Variants in PAK5 observed in about 807,000 individuals in gnomAD.
PAK5 encodes the protein p21 (RAC1) activated kinase 5.
In PAK5, 16 loss-of-function variants were observed where a neutral mutation model predicts 65.9. The observed-to-expected ratio is 0.24, with a 90% CI of 0.16 to 0.37. PAK5 has a LOEUF of 0.37. Ranked by LOEUF, PAK5 falls within the 10% of genes least tolerant of loss-of-function variation. The pLI, the probability that PAK5 is intolerant of heterozygous loss-of-function variation, is 1.00. For missense variants in PAK5, 785 were observed against 903.9 expected, an observed-to-expected ratio of 0.87 and a Z score of 1.69; for synonymous variants, 371 against 354.9, an observed-to-expected ratio of 1.05 and a Z score of -0.51.
chr20:9,698,733 C>T (rs377259772), intron 2 of PAK5, among the ~76,000 whole-genome samples: 2 of 152,160 alleles, frequency 1.3e-5, no homozygotes, highest in African/African-American at 4.8e-5. Flanking sequence ...GACTGCACTG[C>T]TGTCTATAAG....
At chr20:9,648,797 T>A (rs184392444) in intron 2 of PAK5, among the ~76,000 whole-genome samples, 112 of 152,324 alleles carry the variant, frequency 7.4e-4, no homozygotes, top group African/African-American at 2.6e-3. Context: ...GTATTTACCT[T>A]CTCTGCCAGT....
rs150725498 is a variant in PAK5, at chr20:9,618,915, G to GTTTTTTTTTTTTTTTTTTTTTTTTTTTTT, written c.204+25181_204+25209dup. On this transcript the variant is annotated intron_variant, in intron 3 of 9. Coordinates refer to ENST00000353224, the MANE Select transcript of PAK5 (RefSeq NM_177990.4). ...AGATTCTTTTCTCTCTCTTTCTTTCGTTTTTTTTTTTTTTTTTTTTTTTTT... is the reference window on the plus strand; with the variant it reads ...AGATTCTTTTCTCTCTCTTTCTTTCGTTTTTTTTTTTTTTTTTTTTTTTTTTTTTTTTTTTTTTTTTTTTTTTTTTTTTT... 1.6e-4 allele frequency among the ~76,000 whole-genome samples: 3 copies of GTTTTTTTTTTTTTTTTTTTTTTTTTTTTT among 18,816 alleles called. 1 individual carries two copies. The highest frequency in any genetic ancestry group is 1.9e-3 in the South Asian group (1 of 528). 12.3% of individuals were successfully genotyped at this position (18,816 alleles called of 152,430 possible). A position where few individuals can be genotyped will look rare whatever the true frequency, so the allele number is the denominator to read the frequency against.
At chr20:9,794,119 T>G (rs954500057) in intron 1 of PAK5, among the ~76,000 whole-genome samples, 1 of 150,428 alleles carries the variant, frequency 6.6e-6, no homozygotes, top group African/African-American at 2.4e-5. Context: ...TAAGTGGGAG[T>G]TGAACAATGA....
chr20:9,664,004 A>C (rs1053286140), intron 2 of PAK5, among the ~76,000 whole-genome samples: 2 of 152,216 alleles, frequency 1.3e-5, no homozygotes, highest in African/African-American at 4.8e-5. Context: ...AATGAATTCC[A>C]CAAACATAAA....
chr20:9,683,381 G>A (rs2047675814), intron 2 of PAK5, among the ~76,000 whole-genome samples: 1 of 152,222 alleles, frequency 6.6e-6, no homozygotes, highest in Non-Finnish European at 1.5e-5. Context: ...TTCAGAAAGT[G>A]ATGCTGCCTA....
intron 8 of PAK5, 83 bp downstream of exon 8, chr20:9,544,286 C>A: frequency 6.9e-7 from 1 of 1,440,260 alleles, no homozygotes; most frequent in South Asian, 1.2e-5. Flanking sequence ...CCCCCATCTC[C>A]TGTGGTCACC....
intron 7 of PAK5, among the ~76,000 whole-genome samples, chr20:9,554,661 T>C (rs1305650940): frequency 6.6e-6 from 1 of 152,044 alleles, no homozygotes; most frequent in Non-Finnish European, 1.5e-5. Context: ...AATAGACTCA[T>C]ATAATAACAC....
At chr20:9,771,545 C>G (rs1161103691) in intron 1 of PAK5, among the ~76,000 whole-genome samples, 1 of 148,706 alleles carries the variant, frequency 6.7e-6, no homozygotes, top group African/African-American at 2.5e-5. Flanking sequence ...GGAGCTGGGA[C>G]TACAGGTGTG....
intron 1 of PAK5, among the ~76,000 whole-genome samples, chr20:9,830,603 T>C (rs779402973): frequency 1.3e-5 from 2 of 152,184 alleles, no homozygotes; most frequent in Admixed American, 1.3e-4. Context: ...ATTGTTTCTT[T>C]CAGATTATAC....
chr20:9,642,000 T>TG (rs1176472034), intron 3 of PAK5, among the ~76,000 whole-genome samples: 1 of 151,782 alleles, frequency 6.6e-6, no homozygotes, highest in Non-Finnish European at 1.5e-5. Context: ...GCTGAGGGAG[T>TG]GGGCTCCAGC....
At chr20:9,819,280 C>T (rs1435955362) in intron 1 of PAK5, among the ~76,000 whole-genome samples, 2 of 152,170 alleles carry the variant, frequency 1.3e-5, no homozygotes, top group Non-Finnish European at 2.9e-5. Flanking sequence ...AAATCTATTT[C>T]TTACCAAGGT....
chr20:9,733,387 CTCTTTCTTTCTT>C (rs138872634), intron 1 of PAK5, among the ~76,000 whole-genome samples: 151 of 150,668 alleles, frequency 1.0e-3, no homozygotes, highest in African/African-American at 2.8e-3. Flanking sequence ...TTACCAATCT[CTCTTTCTTTCTT>C]TCTTTCTTTC....
chr20:9,596,243 T>C (rs145082763), intron 3 of PAK5, among the ~76,000 whole-genome samples: 1 of 152,278 alleles, frequency 6.6e-6, no homozygotes, highest in African/African-American at 2.4e-5. Flanking sequence ...GTCAATCAAC[T>C]AGGGTCTTCT....
At chr20:9,718,943 TTAATA>T (rs980554238) in intron 1 of PAK5, among the ~76,000 whole-genome samples, 14 of 152,126 alleles carry the variant, frequency 9.2e-5, no homozygotes, top group African/African-American at 3.1e-4. Flanking sequence ...CAGAGACAGT[TTAATA>T]TAAACCTCCT....
chr20:9,557,645 A>G lies in PAK5; in HGVS notation c.1706T>C (p.Ile569Thr). Residue 569 changes from isoleucine to threonine, a missense_variant, in exon 7 of 10, where the codon ATA (isoleucine) becomes ACA (threonine). Physicochemically the swap from Ile to Thr is moderately conservative, Grantham distance 89 (BLOSUM62 -1). Coordinates refer to ENST00000353224, the MANE Select transcript of PAK5 (RefSeq NM_177990.4). The part of the protein sequence containing the change: ...LHNQGVIHRD[I>T]KSDSILLTSD... Reference sequence around the variant, plus strand: ...TGTCAGGAGGATGGAGTCACTTTTTATGTCCCTGTGAATCACTCCTTGGTT... The same window carrying G: ...TGTCAGGAGGATGGAGTCACTTTTTGTGTCCCTGTGAATCACTCCTTGGTT... 6.2e-7 allele frequency: 1 copy of G among 1,612,342 alleles called. No individual in the cohort carries two copies. Among genetic ancestry groups the G allele is most frequent in the Non-Finnish European group, 8.5e-7 (1 of 1,179,018 alleles).
intron 3 of PAK5, among the ~76,000 whole-genome samples, chr20:9,643,436 A>G (rs946129752): frequency 1.3e-5 from 2 of 152,180 alleles, no homozygotes; most frequent in African/African-American, 2.4e-5. Flanking sequence ...TACTTTTATG[A>G]GCATTTATTG....
At chr20:9,575,250 A>C (rs2122987587) in intron 4 of PAK5, among the ~76,000 whole-genome samples, 1 of 152,226 alleles carries the variant, frequency 6.6e-6, no homozygotes, top group East Asian at 1.9e-4. Flanking sequence ...GCTGGAGTGT[A>C]GTAGTGTAAT....
chr20:9,804,885 T>C (rs906726660), intron 1 of PAK5, among the ~76,000 whole-genome samples: 1 of 151,870 alleles, frequency 6.6e-6, no homozygotes, highest in African/African-American at 2.4e-5. Context: ...CTTGTCTCTA[T>C]TAAAAGAAAA....
At chr20:9,642,145 T>C (rs1037328375) in intron 3 of PAK5, among the ~76,000 whole-genome samples, 2 of 152,198 alleles carry the variant, frequency 1.3e-5, no homozygotes, top group African/African-American at 4.8e-5. Flanking sequence ...CAGCATGCTG[T>C]CACCTCTCAC....
Sources: allele counts gnomAD v4.1 joint callset (sites outside exome capture counted in the v4.1 genomes callset), GRCh38; gene constraint gnomAD v4.1.1; transcripts MANE v1.5; gene names NCBI Gene and HGNC (gene_info 2026-07-23, HGNC 2026-07-21).